The following DIP2C variants were observed in gnomAD, a reference collection of about 807,000 sequenced individuals.
DIP2C encodes DIP2 acetate--CoA ligase C (putative), also known as disco-interacting protein 2 homolog C.
DIP2C carries 33 observed loss-of-function variants against 192.4 expected under a neutral mutation model. The observed-to-expected ratio is 0.17, with a 90% CI of 0.13 to 0.23. The LOEUF (loss-of-function observed/expected upper bound fraction) is 0.23. Among genes scored for constraint, DIP2C ranks in the 10% least tolerant of loss-of-function variants. The pLI is 1.00. For synonymous variants in DIP2C, 979 were observed against 864.1 expected (o/e 1.13, Z -2.33); for missense variants, 1,537 against 2,110.1 (o/e 0.73, Z 5.32).
intron 1 of DIP2C, among the ~76,000 whole-genome samples, chr10:604,288 TA>T (rs1852314296): frequency 6.6e-6 from 1 of 152,206 alleles, no homozygotes; most frequent in South Asian, 2.1e-4. Flanking sequence ...GTTTTCCTCC[TA>T]ATGAACACAT....
chr10:301,235 C>T (rs925730429), intron 32 of DIP2C, among the ~76,000 whole-genome samples: 8 of 152,142 alleles, frequency 5.3e-5, no homozygotes, highest in African/African-American at 1.4e-4. Context: ...GTGGGGTGGC[C>T]GCGGGTGAAA....
intron 2 of DIP2C, among the ~76,000 whole-genome samples, chr10:478,979 C>A (rs562989145): frequency 6.6e-6 from 1 of 152,280 alleles, no homozygotes; most frequent in African/African-American, 2.4e-5. Flanking sequence ...GGCAAGCGCT[C>A]TGGGCTCCAC....
At position 390,002 on chromosome 10, in the gene DIP2C, C is replaced by T; in HGVS notation, c.1586G>A (p.Gly529Asp). ...THCQALTQAC[G>D]YTEAETIVNV... The stretch of plus-strand genomic sequence containing the variant: ...GTCTGGCACCCCACCTTCCGTGTAG[C>T]CACACGCCTGCGTCAGGGCCTGGCA... Residue 529 changes from glycine (G) to aspartate (D), a missense_variant, in exon 13 of 37, where the codon GGC becomes GAC. Gly to Asp is a moderately conservative substitution (Grantham distance 94). Around this residue, in one of 4 missense-constraint regions of DIP2C, gnomAD observed 677 missense variants for 989.9 expected, o/e 0.68. Transcript: ENST00000280886. 1 of 1,613,466 alleles carries T rather than the reference C, an allele frequency of 6.2e-7. No homozygotes were observed. The highest frequency in any genetic ancestry group is 8.5e-7 in the Non-Finnish European group (1 of 1,179,612).
intron 1 of DIP2C, among the ~76,000 whole-genome samples, chr10:579,452 G>A (rs988606928): frequency 2.6e-5 from 4 of 151,486 alleles, no homozygotes; most frequent in Admixed American, 6.6e-5. Flanking sequence ...ATGTGTACAT[G>A]CATAGAGCGT....
At chr10:342,597 C>T (rs946572528) in intron 28 of DIP2C, among the ~76,000 whole-genome samples, 3 of 152,218 alleles carry the variant, frequency 2.0e-5, no homozygotes, top group Non-Finnish European at 2.9e-5. Context: ...ATGTGGCCAG[C>T]AAGACCTGCT....
intron 1 of DIP2C, among the ~76,000 whole-genome samples, chr10:548,452 G>A (rs1848414580): frequency 6.8e-6 from 1 of 147,372 alleles, no homozygotes; most frequent in African/African-American, 2.5e-5. Flanking sequence ...TGGAGGGAGG[G>A]AGGGAGGGAG....
intron 1 of DIP2C, among the ~76,000 whole-genome samples, chr10:572,210 G>A (rs1368014263): frequency 6.6e-6 from 1 of 152,228 alleles, no homozygotes; most frequent in African/African-American, 2.4e-5. Context: ...GATCACACGT[G>A]TGCAGACAGC....
At chr10:451,017 G>GT (rs1199702389) in intron 3 of DIP2C, among the ~76,000 whole-genome samples, 6 of 152,180 alleles carry the variant, frequency 3.9e-5, no homozygotes, top group Non-Finnish European at 5.9e-5. Flanking sequence ...AATTCAGCCT[G>GT]TGAGTTCCTC....
At chr10:364,860 A>C (rs1959999184) in intron 19 of DIP2C, 14 of 630,604 alleles carry the variant, frequency 2.2e-5, no homozygotes, top group South Asian at 2.0e-4. Context: ...TAACACCCAG[A>C]AGTCTCACAG....
chr10:350,532 A>G (rs1332429229), intron 24 of DIP2C, among the ~76,000 whole-genome samples: 1 of 151,930 alleles, frequency 6.6e-6, no homozygotes, highest in African/African-American at 2.4e-5. Flanking sequence ...AGCTATTAAC[A>G]GGGTGAGGAT....
chr10:531,892 T>C (rs549440321), intron 1 of DIP2C, among the ~76,000 whole-genome samples: 5 of 152,344 alleles, frequency 3.3e-5, no homozygotes, highest in Admixed American at 6.5e-5. Context: ...CCAGCACAAC[T>C]ACCATATTCT....
intron 1 of DIP2C, among the ~76,000 whole-genome samples, chr10:677,742 C>T (rs979471703): frequency 2.0e-5 from 3 of 152,170 alleles, no homozygotes; most frequent in African/African-American, 7.2e-5. Flanking sequence ...TCACACAACT[C>T]GGAACAGGGG....
intron 1 of DIP2C, among the ~76,000 whole-genome samples, chr10:523,437 G>A (rs1205501668): frequency 6.2e-5 from 8 of 129,202 alleles, no homozygotes; most frequent in Non-Finnish European, 8.2e-5. Flanking sequence ...GGGGCTCTGT[G>A]TCACCCACAC....
chr10:524,095 C>A (rs1252739511), intron 1 of DIP2C, among the ~76,000 whole-genome samples: 1 of 8,874 alleles, frequency 1.1e-4, no homozygotes, highest in African/African-American at 2.7e-4. Context: ...GTGACTGGAG[C>A]ACCCCTTCAG....
At chr10:460,241 A>G (rs1016204033) in intron 3 of DIP2C, among the ~76,000 whole-genome samples, 14 of 152,252 alleles carry the variant, frequency 9.2e-5, no homozygotes, top group Middle Eastern at 3.4e-3. Context: ...TTGGTTGGGG[A>G]AAAAAAGGTG....
intron 32 of DIP2C, among the ~76,000 whole-genome samples, chr10:297,229 C>CA (rs1465911455): frequency 2.7e-5 from 3 of 112,576 alleles, no homozygotes; most frequent in Admixed American, 1.1e-4. Flanking sequence ...AACCCCCCCC[C>CA]ACCCCACCAC....
chr10:640,720 CGCGGGGAAGAGG>C (rs1855137135), intron 1 of DIP2C, among the ~76,000 whole-genome samples: 1 of 2,096 alleles, frequency 4.8e-4, no homozygotes, highest in African/African-American at 7.0e-4. Flanking sequence ...AGAGGCTGCG[CGCGGGGAAGAGG>C]GTGGGCGCCG....
intron 5 of DIP2C, 146 bp from the exon 6 acceptor site, chr10:419,345 G>C (rs901448695): frequency 1.4e-5 from 16 of 1,140,172 alleles, no homozygotes; most frequent in Non-Finnish European, 1.8e-5. Flanking sequence ...AGCCGCATCT[G>C]CCACACACAT....
intron 3 of DIP2C, among the ~76,000 whole-genome samples, chr10:467,317 TG>T (rs1297002812): frequency 7.3e-6 from 1 of 136,624 alleles, no homozygotes; most frequent in Non-Finnish European, 1.5e-5. Context: ...CACTCATAGG[TG>T]GGAATTGAAC....
Sources: gnomAD v4.1 joint callset for allele counts (sites outside exome capture counted in the v4.1 genomes callset) on GRCh38, gnomAD v4.1.1 for gene constraint, gnomAD v4.1.1 regional missense constraint, MANE v1.5 for transcripts, NCBI Gene and HGNC (gene_info 2026-07-23, HGNC 2026-07-21) for gene names.